Variants in CTNNA2 observed in about 807,000 individuals in gnomAD.
CTNNA2 encodes catenin alpha 2, also known as catenin alpha-2.
CTNNA2 carries 42 observed loss-of-function variants against 101.0 expected under a neutral mutation model. That is an observed-to-expected ratio of 0.42 (90% confidence interval 0.32 to 0.54). The LOEUF (loss-of-function observed/expected upper bound fraction) is 0.54. CTNNA2 is among the 20% of genes least tolerant of loss of function. The probability of loss-of-function intolerance (pLI) is 0.14; values close to 1 mark genes in which losing one functional copy is unlikely to be tolerated. For synonymous variants in CTNNA2, 450 were observed against 456.4 expected, an observed-to-expected ratio of 0.99 and a Z score of 0.18; for missense variants, 871 against 1,223.1, an observed-to-expected ratio of 0.71 and a Z score of 4.29.
At chr2:79,268,867 C>T (rs1173003040) in intron 2 of CTNNA2, among the ~76,000 whole-genome samples, 4 of 152,050 alleles carry the variant, frequency 2.6e-5, no homozygotes, top group Non-Finnish European at 4.4e-5. Context: ...TCCAAGGTTT[C>T]GATGTGTCCA....
chr2:80,553,051 T>C (rs1692712622), intron 11 of CTNNA2, among the ~76,000 whole-genome samples: 2 of 136,762 alleles, frequency 1.5e-5, no homozygotes, highest in African/African-American at 5.8e-5. Context: ...ACCCTGTCTT[T>C]ACTAAAAAGA....
At chr2:80,321,642 C>T (rs558170058) in intron 7 of CTNNA2, among the ~76,000 whole-genome samples, 1 of 152,220 alleles carries the variant, frequency 6.6e-6, no homozygotes, top group South Asian at 2.1e-4. Context: ...TGGGCTTAAA[C>T]AATCTGTCTT....
intron 1 of CTNNA2, among the ~76,000 whole-genome samples, chr2:79,579,175 CCTTCCTTCCTTCCTTT>C (rs914785047): frequency 2.1e-5 from 3 of 144,854 alleles, no homozygotes; most frequent in East Asian, 2.0e-4. Flanking sequence ...TTCTTAATTT[CCTTCCTTCCTTCCTTT>C]CTTCCTTCCT....
At chr2:80,574,085 G>T in intron 12 of CTNNA2, 78 bp from the exon 13 acceptor site, 1 of 1,487,610 alleles carries the variant, frequency 6.7e-7, no homozygotes, top group Non-Finnish European at 9.2e-7. Context: ...CCGAGGACCT[G>T]CCACTTCGCC....
chr2:79,271,611 G>A (rs1230037093), intron 2 of CTNNA2, among the ~76,000 whole-genome samples: 1 of 151,946 alleles, frequency 6.6e-6, no homozygotes, highest in African/African-American at 2.4e-5. Context: ...CATACCAGTG[G>A]GTGGAGGCAG....
chr2:80,572,450 G>A (rs908002227), intron 12 of CTNNA2, among the ~76,000 whole-genome samples: 18 of 152,134 alleles, frequency 1.2e-4, no homozygotes, highest in African/African-American at 3.6e-4. Flanking sequence ...AAGCTCCCTT[G>A]TAGTATTACA....
chr2:80,604,835 G>A (rs1697864115), intron 16 of CTNNA2, among the ~76,000 whole-genome samples: 1 of 151,886 alleles, frequency 6.6e-6, no homozygotes, highest in South Asian at 2.1e-4. Flanking sequence ...GGAGTAGAAT[G>A]GAAACTGGGG....
chr2:80,568,571 G>A (rs1423578246), intron 12 of CTNNA2, among the ~76,000 whole-genome samples: 1 of 43,946 alleles, frequency 2.3e-5, no homozygotes, highest in Non-Finnish European at 4.6e-5. Flanking sequence ...GTGTGCGTGT[G>A]TGTGTGTGTG....
intron 4 of CTNNA2, among the ~76,000 whole-genome samples, chr2:79,495,040 T>C (rs2104568192): frequency 6.6e-6 from 1 of 152,122 alleles, no homozygotes; most frequent in Middle Eastern, 3.4e-3. Flanking sequence ...GAGGCGGAGC[T>C]TGCAGTGAGC....
intron 7 of CTNNA2, among the ~76,000 whole-genome samples, chr2:80,178,166 T>A (rs1705518173): frequency 6.6e-6 from 1 of 152,184 alleles, no homozygotes; most frequent in Non-Finnish European, 1.5e-5. Context: ...ATCTGAGCCA[T>A]TTCCTCATGT....
intron 9 of CTNNA2, among the ~76,000 whole-genome samples, chr2:80,471,019 A>G (rs772960615): frequency 6.2e-4 from 94 of 152,290 alleles, no homozygotes; most frequent in Middle Eastern, 6.8e-3. Flanking sequence ...ATGAGGTGGG[A>G]CATAACTTGG....
At chr2:79,651,975 T>G (rs1681289230) in intron 2 of CTNNA2, among the ~76,000 whole-genome samples, 1 of 152,188 alleles carries the variant, frequency 6.6e-6, no homozygotes. Flanking sequence ...TTTCAGATGC[T>G]AATGCACCAT....
chr2:79,465,525 A>G (rs1269443832), intron 4 of CTNNA2, among the ~76,000 whole-genome samples: 1 of 152,156 alleles, frequency 6.6e-6, no homozygotes, highest in African/African-American at 2.4e-5. Context: ...GAAGAAAGTC[A>G]TTGGAAGCTT....
At chr2:79,594,531 G>A (rs1205593601) in intron 1 of CTNNA2, among the ~76,000 whole-genome samples, 1 of 152,164 alleles carries the variant, frequency 6.6e-6, no homozygotes, top group South Asian at 2.1e-4. Context: ...TAGGAACTTT[G>A]TAAGTATCAG....
At chr2:79,658,029 C>CA (rs1252945103) in intron 2 of CTNNA2, among the ~76,000 whole-genome samples, 2 of 151,532 alleles carry the variant, frequency 1.3e-5, no homozygotes, top group Admixed American at 6.6e-5. Flanking sequence ...GATAAATATA[C>CA]AAAAAATAAT....
At chr2:79,702,682 C>T (rs1355341745) in intron 2 of CTNNA2, among the ~76,000 whole-genome samples, 1 of 152,122 alleles carries the variant, frequency 6.6e-6, no homozygotes, top group African/African-American at 2.4e-5. Context: ...CCGCTTTTAC[C>T]TACAATGATT....
chr2:79,556,820 T>C (rs796888753), intron 1 of CTNNA2, among the ~76,000 whole-genome samples: 58 of 152,168 alleles, frequency 3.8e-4, no homozygotes, highest in African/African-American at 1.3e-3. Context: ...TTGGAAATGT[T>C]CATTTTTATT....
intron 9 of CTNNA2, among the ~76,000 whole-genome samples, chr2:80,460,983 T>C (rs1423041995): frequency 6.6e-6 from 1 of 152,188 alleles, no homozygotes; most frequent in African/African-American, 2.4e-5. Context: ...AGGAACACAA[T>C]TTGGGAGAAG....
chr2:80,034,962 G>A (rs1418806330), intron 7 of CTNNA2, among the ~76,000 whole-genome samples: 3 of 152,112 alleles, frequency 2.0e-5, no homozygotes, highest in Non-Finnish European at 4.4e-5. Flanking sequence ...CATATTATGT[G>A]AAATAATACG....
Sources: gnomAD v4.1 joint callset for allele counts (sites outside exome capture counted in the v4.1 genomes callset) on GRCh38, gnomAD v4.1.1 for gene constraint, MANE v1.5 for transcripts, NCBI Gene and HGNC (gene_info 2026-07-23, HGNC 2026-07-21) for gene names.